The following ZNF529 variants were observed in gnomAD, a reference collection of about 807,000 sequenced individuals.
ZNF529 encodes zinc finger protein 529.
ZNF529 carries 11 observed loss-of-function variants against 10.1 expected under a neutral mutation model. That is an observed-to-expected ratio of 1.09 (90% CI 0.69 to 1.81). The LOEUF (loss-of-function observed/expected upper bound fraction) is 1.81. ZNF529 is among the 40% of genes most tolerant of loss of function. ZNF529 has a pLI of 0.00. For missense variants in ZNF529, 624 were observed against 666.8 expected (o/e 0.94, Z 0.71); for synonymous variants, 204 against 215.7 (o/e 0.95, Z 0.47).
At chr19:36,568,122 C>T (rs1364162904) in intron 2 of ZNF529, among the ~76,000 whole-genome samples, 1 of 152,118 alleles carries the variant, frequency 6.6e-6, no homozygotes, top group East Asian at 1.9e-4. Context: ...ATAACATCAG[C>T]AAGATGGCAG....
intron 2 of ZNF529, among the ~76,000 whole-genome samples, chr19:36,578,613 ATTTT>A (rs141973505): frequency 7.5e-6 from 1 of 133,650 alleles, no homozygotes; most frequent in Non-Finnish European, 1.6e-5. Context: ...CTGGGGGAGA[ATTTT>A]TTTTTTTTTG....
intron 2 of ZNF529, among the ~76,000 whole-genome samples, chr19:36,558,274 T>C (rs1255111583): frequency 6.6e-6 from 1 of 151,970 alleles, no homozygotes. Context: ...AATAATGGAT[T>C]TGAAATTCCC....
intron 2 of ZNF529, among the ~76,000 whole-genome samples, chr19:36,565,662 C>T (rs938728017): frequency 3.9e-5 from 6 of 151,966 alleles, no homozygotes; most frequent in African/African-American, 7.3e-5. Context: ...ATTGTGCCAC[C>T]GCTCTCATGC....
chr19:36,551,142 C>T (rs768782148), intron 4 of ZNF529, among the ~76,000 whole-genome samples: 3 of 152,018 alleles, frequency 2.0e-5, no homozygotes, highest in Admixed American at 1.3e-4. Context: ...CAAAGGGACA[C>T]AAAAATAGTT....
Position 36,587,005 on chromosome 19 carries a change from C to T in ZNF529, c.-41+2610G>A, listed in dbSNP as rs769716494. On this transcript the variant is annotated intron_variant, in intron 2 of 4. Transcript: ENST00000585960. ...AGTGGCTGGGCGTGGTGGCTCACGC[C>T]GGTAATCCCAACACTTTGGGAGGCT... 3.9e-5 allele frequency among the ~76,000 whole-genome samples: 6 copies of T among 152,098 alleles called. No individual in the cohort carries two copies. The South Asian group carries it at 6.2e-4, about 16-fold the overall frequency.
intron 4 of ZNF529, among the ~76,000 whole-genome samples, chr19:36,548,990 G>A (rs958440208): frequency 1.3e-5 from 2 of 152,102 alleles, no homozygotes; most frequent in African/African-American, 2.4e-5. Context: ...GCAGCAGAGC[G>A]AGAGTCCGTC....
At chr19:36,595,741 CA>C (rs2036826352) in intron 1 of ZNF529, among the ~76,000 whole-genome samples, 1 of 152,124 alleles carries the variant, frequency 6.6e-6, no homozygotes, top group Admixed American at 6.5e-5. Context: ...GCCTAAATTT[CA>C]GTAAGTGTCA....
At chr19:36,563,237 C>T (rs2912404) in intron 2 of ZNF529, among the ~76,000 whole-genome samples, 132,608 of 152,002 alleles carry the variant, frequency 0.87, 58,632 homozygotes, top group African/African-American at 0.93. Context: ...CTGGCCAACA[C>T]AGTGAAACCC....
intron 2 of ZNF529, among the ~76,000 whole-genome samples, chr19:36,560,830 G>T (rs1419707576): frequency 6.6e-6 from 1 of 152,190 alleles, no homozygotes; most frequent in African/African-American, 2.4e-5. Flanking sequence ...TCAGGGTGCT[G>T]CTCGGCTTCT....
intron 4 of ZNF529, among the ~76,000 whole-genome samples, chr19:36,551,013 A>G (rs537739048): frequency 3.0e-4 from 46 of 152,362 alleles, no homozygotes; most frequent in African/African-American, 1.1e-3. Context: ...AATAAACCAG[A>G]TAATAAGCCA....
Position 36,547,419 on chromosome 19 carries a change from T to C in ZNF529, c.1139A>G (p.Glu380Gly). 3 of 1,612,912 alleles carry C rather than the reference T, an allele frequency of 1.9e-6. No individual in the cohort carries two copies. In the East Asian group the frequency reaches 6.7e-5, roughly 36 times the overall value. The change falls in exon 5 of 5, where the codon GAA (glutamate) becomes GGA (glycine). Residue 380 changes from glutamate to glycine, a missense_variant. Coordinates refer to ENST00000591340, the MANE Select transcript of ZNF529 (RefSeq NM_020951.5). ...ECGKAFGVCR[E>G]LARHQRIHTG... ...ATGAATTCTCTGATGACGAGCAAGT[T>C]CTCTACATACTCCAAAAGCCTTCCC...
upstream of ZNF529, among the ~76,000 whole-genome samples, chr19:36,576,875 C>T (rs1469583698): frequency 6.6e-6 from 1 of 151,776 alleles, no homozygotes; most frequent in Non-Finnish European, 1.5e-5. Flanking sequence ...GTAGTGAGTA[C>T]TCAGGAGAGC....
rs748819394 is a variant in ZNF529 at position 36,554,709 on chromosome 19, C to A, written c.196G>T (p.Asp66Tyr). The part of the protein sequence containing the change: ...LDSAQRNLYW[D>Y]VMMENYSNLL... ...TTGCTGTAGTTCTCCATCATCACAT[C>A]CCAGTACAAGTTCCTCTGAGCAGAA... is the stretch of plus-strand genomic sequence containing the variant. Residue 66 changes from aspartate (D) to tyrosine (Y), a missense_variant, in exon 4 of 5, where the codon GAT becomes TAT. Asp to Tyr is a radical substitution (Grantham distance 160). Transcript: ENST00000591340. The A allele has an allele frequency of 2.9e-5, 45 of 1,575,396 alleles. No homozygotes were observed. Among genetic ancestry groups the A allele is most frequent in the Admixed American group, 3.7e-5 (2 of 54,266 alleles).
intron 1 of ZNF529, among the ~76,000 whole-genome samples, chr19:36,602,239 TG>T (rs1319138274): frequency 1.3e-5 from 2 of 151,836 alleles, no homozygotes; most frequent in Admixed American, 1.3e-4. Flanking sequence ...GTAGAGATGG[TG>T]TTTTGCCATG....
Position 36,554,721 on chromosome 19 carries a change from T to G in ZNF529, c.184A>C (p.Asn62His). The G allele has an allele frequency of 6.3e-7, 1 of 1,576,908 alleles. No individual in the cohort carries two copies. Among genetic ancestry groups the G allele is most frequent in the Non-Finnish European group, 8.6e-7 (1 of 1,160,258 alleles). The change falls in exon 4 of 5, where the codon AAC becomes CAC. Residue 62 changes from asparagine to histidine, a missense_variant. Transcript: ENST00000591340. ...TCCATCATCACATCCCAGTACAAGT[T>G]CCTCTGAGCAGAATCCAGATATTCC... ...EWEYLDSAQR[N>H]LYWDVMMENY...
chr19:36,578,413 C>T (rs185965774), intron 2 of ZNF529, among the ~76,000 whole-genome samples: 8,264 of 143,368 alleles, frequency 0.058, 326 homozygotes, highest in Non-Finnish European at 0.085. Flanking sequence ...TCACGCTATT[C>T]TCCTGCCTCA....
chr19:36,576,380 C>T (rs1393573765), upstream of ZNF529, among the ~76,000 whole-genome samples: 1 of 152,054 alleles, frequency 6.6e-6, no homozygotes, highest in African/African-American at 2.4e-5. Context: ...ACGATGTTGC[C>T]TTCTCCAAGT....
chr19:36,559,729 G>A lies in ZNF529; in HGVS notation c.15-3532C>T, dbSNP rs147914215. The stretch of plus-strand genomic sequence containing the variant: ...CAGATAAAAGTGTGTTTGTATGTGT[G>A]TGTATACATATATGTATGTGTCAAT... On this transcript the variant is annotated intron_variant, in intron 2 of 4. Transcript: ENST00000591340. 5.6e-4 allele frequency among the ~76,000 whole-genome samples: 85 copies of A among 152,324 alleles called. No homozygotes were observed. In the Middle Eastern group the frequency reaches 0.01, roughly 18 times the overall value.
In ZNF529 at chr19:36,547,356, T is replaced by A. The variant is rs749657147; in HGVS notation, c.1202A>T (p.Lys401Met). Residue 401 changes from lysine (K) to methionine (M), a missense_variant, in exon 5 of 5, where the codon AAG (lysine) becomes ATG (methionine). By Grantham distance (95) the Lys-to-Met change is moderately conservative. Transcript: ENST00000591340. Reference sequence around the variant, plus strand: ...CAGGGATGAACTATTTCTAAAGACCTTTCCACATGCTTTGCATTCATAGGG... The same window carrying A: ...CAGGGATGAACTATTTCTAAAGACCATTCCACATGCTTTGCATTCATAGGG... ...KKPYECKACG[K>M]VFRNSSSLTR... The A allele has an allele frequency of 6.2e-7, 1 of 1,613,972 alleles. No individual in the cohort carries two copies. The highest frequency in any genetic ancestry group is 1.1e-5 in the South Asian group (1 of 91,082).
Sources: gnomAD v4.1 joint callset for allele counts (sites outside exome capture counted in the v4.1 genomes callset) on GRCh38, gnomAD v4.1.1 for gene constraint, MANE v1.5 for transcripts, NCBI Gene and HGNC (gene_info 2026-07-23, HGNC 2026-07-21) for gene names.